The following CACHD1 variants were observed in gnomAD, a reference collection of about 807,000 sequenced individuals.
CACHD1 encodes VWFA and cache domain-containing protein 1.
CACHD1 carries 71 observed loss-of-function variants against 138.7 expected under a neutral mutation model. The observed-to-expected ratio is 0.51, with a 90% confidence interval of 0.42 to 0.62. CACHD1 has a LOEUF of 0.62. Ranked by LOEUF, CACHD1 falls within the 20% of genes least tolerant of loss-of-function variation. CACHD1 has a pLI of 0.00. For missense variants in CACHD1, 1,389 were observed against 1,625.3 expected, an observed-to-expected ratio of 0.85 and a Z score of 2.50; for synonymous variants, 578 against 591.5, an observed-to-expected ratio of 0.98 and a Z score of 0.33.
intron 1 of CACHD1, among the ~76,000 whole-genome samples, chr1:64,509,712 TTA>T (rs1395400725): frequency 6.6e-6 from 1 of 152,212 alleles, no homozygotes. Context: ...GAAGTAGATT[TTA>T]TGATATTTTT....
At chr1:64,538,227 A>G (rs974875902) in intron 1 of CACHD1, among the ~76,000 whole-genome samples, 1 of 152,198 alleles carries the variant, frequency 6.6e-6, no homozygotes, top group African/African-American at 2.4e-5. Context: ...AAGGCTCACT[A>G]CTTTGACTCA....
At position 64,547,738 on chromosome 1, in the gene CACHD1, A is replaced by G. The variant is rs746342173; in HGVS notation, c.199-2856A>G. ...GTCATGAGTTACTTGTCTAAGTTCT[A>G]CTGGCTTCCCATGGCATCTCACTAA... On this transcript the variant is annotated intron_variant, in intron 1 of 26. Coordinates refer to ENST00000651257, the MANE Select transcript of CACHD1 (RefSeq NM_020925.4). Among the ~76,000 whole-genome samples the G allele has an allele frequency of 8.5e-5, 13 of 152,160 alleles. No individual in the cohort carries two copies. The South Asian group carries it at 1.0e-3, about 12-fold the overall frequency.
chr1:64,676,790 C>A, intron 21 of CACHD1, 105 bp from the exon 22 acceptor site: 1 of 804,940 alleles, frequency 1.2e-6, no homozygotes, highest in Non-Finnish European at 2.1e-6. Context: ...AGTGGCAAAG[C>A]CAGGATTCAA....
At chr1:64,583,199 G>C (rs763190421) in intron 3 of CACHD1, among the ~76,000 whole-genome samples, 3 of 152,030 alleles carry the variant, frequency 2.0e-5, no homozygotes, top group Non-Finnish European at 4.4e-5. Context: ...ATGATTTCTT[G>C]CTGGGCTTTT....
chr1:64,533,231 C>CTA (rs1646603325), intron 1 of CACHD1, among the ~76,000 whole-genome samples: 1 of 152,178 alleles, frequency 6.6e-6, no homozygotes, highest in Admixed American at 6.5e-5. Flanking sequence ...TGGTGCAGGC[C>CTA]TATAGCCCCA....
intron 1 of CACHD1, among the ~76,000 whole-genome samples, chr1:64,506,805 C>T (rs1036666285): frequency 6.6e-6 from 1 of 152,128 alleles, no homozygotes; most frequent in Non-Finnish European, 1.5e-5. Context: ...TAAAGCTGTT[C>T]GGTATTTTCA....
At chr1:64,517,906 G>A (rs1646470723) in intron 1 of CACHD1, among the ~76,000 whole-genome samples, 1 of 152,192 alleles carries the variant, frequency 6.6e-6, no homozygotes, top group Non-Finnish European at 1.5e-5. Flanking sequence ...TGGCAGTCCT[G>A]TGGCTGTAAT....
intron 5 of CACHD1, among the ~76,000 whole-genome samples, chr1:64,632,042 A>C (rs1334924916): frequency 1.3e-5 from 2 of 152,102 alleles, no homozygotes; most frequent in Non-Finnish European, 2.9e-5. Flanking sequence ...GCAAGTCTGC[A>C]GAGGAGAATC....
chr1:64,524,338 A>G (rs1156592142), intron 1 of CACHD1, among the ~76,000 whole-genome samples: 4 of 152,202 alleles, frequency 2.6e-5, no homozygotes, highest in South Asian at 4.1e-4. Context: ...AATAATTTGT[A>G]TATAGGACAA....
At chr1:64,618,858 C>G (rs148060008) in intron 4 of CACHD1, among the ~76,000 whole-genome samples, 2 of 152,016 alleles carry the variant, frequency 1.3e-5, no homozygotes, top group South Asian at 2.1e-4. Flanking sequence ...TTGGCAAGCG[C>G]GGGAGGTGGA....
chr1:64,569,603 G>A (rs893396048), intron 2 of CACHD1, among the ~76,000 whole-genome samples: 1 of 152,208 alleles, frequency 6.6e-6, no homozygotes, highest in Non-Finnish European at 1.5e-5. Context: ...AGACATGTAA[G>A]CTCCCACTCT....
intron 13 of CACHD1, 57 bp from the exon 14 acceptor site, chr1:64,663,638 T>C: frequency 6.2e-7 from 1 of 1,606,792 alleles, no homozygotes; most frequent in Admixed American, 1.7e-5. Context: ...ATGCCTTTGT[T>C]TGGGATGAGA....
At chr1:64,486,369 TAC>T (rs3078376) in intron 1 of CACHD1, among the ~76,000 whole-genome samples, 27,971 of 144,926 alleles carry the variant, frequency 0.19, 3,800 homozygotes, top group African/African-American at 0.4. Flanking sequence ...CACACACACA[TAC>T]ACACACACAC....
At chr1:64,659,744 A>G (rs1649383118) in intron 13 of CACHD1, among the ~76,000 whole-genome samples, 1 of 152,226 alleles carries the variant, frequency 6.6e-6, no homozygotes, top group African/African-American at 2.4e-5. Flanking sequence ...TAAAACAGGT[A>G]TTCTCTTTTT....
chr1:64,626,247 A>G (rs1410517469), intron 4 of CACHD1, among the ~76,000 whole-genome samples: 1 of 152,256 alleles, frequency 6.6e-6, no homozygotes, highest in East Asian at 1.9e-4. Context: ...GAGTATGTAC[A>G]TGCTAGAAAT....
Position 64,641,802 on chromosome 1 carries a change from T to C in CACHD1, c.1007-18T>C, listed in dbSNP as rs760503205. The C allele has an allele frequency of 1.3e-6, 2 of 1,521,836 alleles. No individual in the cohort carries two copies. Among genetic ancestry groups the C allele is most frequent in the African/African-American group, 2.9e-5 (2 of 69,964 alleles). 94.3% of individuals were successfully genotyped at this position (1,521,836 alleles called of 1,614,324 possible). A position where few individuals can be genotyped will look rare whatever the true frequency, so the allele number is the denominator to read the frequency against. On this transcript the variant is annotated intron_variant, in intron 7 of 26. Coordinates refer to ENST00000651257, the MANE Select transcript of CACHD1 (RefSeq NM_020925.4). ...CTGGAATCCAAAGAGAGCATTCAAT[T>C]GATGTGTTTTTGTTTAGATACAGAC...
chr1:64,660,331 G>A (rs1649400042), intron 13 of CACHD1, among the ~76,000 whole-genome samples: 1 of 152,006 alleles, frequency 6.6e-6, no homozygotes, highest in East Asian at 1.9e-4. Flanking sequence ...TTTCCAATAT[G>A]GCAGCCACTA....
At chr1:64,564,283 C>G (rs2100492396) in intron 2 of CACHD1, among the ~76,000 whole-genome samples, 1 of 152,222 alleles carries the variant, frequency 6.6e-6, no homozygotes, top group Admixed American at 6.5e-5. Context: ...CTAAGGGCTG[C>G]TCAGAAACAA....
Position 64,682,125 on chromosome 1 carries a change from C to G in CACHD1, c.3586+19C>G. 6.2e-7 allele frequency: 1 copy of G among 1,604,318 alleles called. No homozygotes were observed. Among genetic ancestry groups the G allele is most frequent in the African/African-American group, 1.3e-5 (1 of 74,800 alleles). On this transcript the variant is annotated intron_variant, in intron 26 of 26. Transcript: ENST00000651257. ...GATCATGGTAAGGTCTAGCTTCCTG[C>G]ATTTGAAGACCCAAGGAACCTCATG... is the stretch of plus-strand genomic sequence containing the variant.
Sources: allele counts gnomAD v4.1 joint callset (sites outside exome capture counted in the v4.1 genomes callset), GRCh38; gene constraint gnomAD v4.1.1; transcripts MANE v1.5; gene names NCBI Gene and HGNC (gene_info 2026-07-23, HGNC 2026-07-21).